BAIAP2: variants seen among roughly 807,000 people sequenced by gnomAD.
BAIAP2 encodes the protein BAR/IMD domain-containing adapter protein 2.
BAIAP2 carries 18 observed loss-of-function variants against 63.0 expected under a neutral mutation model. The ratio of observed to expected loss-of-function variants is 0.29; its 90% confidence interval spans 0.20 to 0.42. The LOEUF (loss-of-function observed/expected upper bound fraction) is 0.42, where lower values mean the gene tolerates loss of function less well. Among genes scored for constraint, BAIAP2 ranks in the 10% least tolerant of loss-of-function variants. The probability of loss-of-function intolerance (pLI) is 1.00; values close to 1 mark genes in which losing one functional copy is unlikely to be tolerated. For synonymous variants in BAIAP2, 386 were observed against 307.6 expected (o/e 1.25, Z -2.67); for missense variants, 610 against 734.3 (o/e 0.83, Z 1.96).
At chr17:81,102,526 C>T (rs1253001704) in intron 7 of BAIAP2, among the ~76,000 whole-genome samples, 1 of 152,234 alleles carries the variant, frequency 6.6e-6, no homozygotes. Flanking sequence ...ATTCACAAAT[C>T]GATGCACAGC....
chr17:81,085,642 C>T lies in BAIAP2; in HGVS notation c.280-12C>T. 11 of 1,612,716 alleles carry T rather than the reference C, an allele frequency of 6.8e-6. No homozygotes were observed. Among genetic ancestry groups the T allele is most frequent in the Non-Finnish European group, 9.3e-6 (11 of 1,178,992 alleles). On this transcript the variant is annotated splice_polypyrimidine_tract_variant and intron_variant, in intron 4 of 13. Transcript: ENST00000428708. Reference sequence around the variant, plus strand: ...GGAGCTGACGGCTGATGTGTTTTCTCTCCATGTCCAGCTGAAGTCTTTTCA... The same window carrying T: ...GGAGCTGACGGCTGATGTGTTTTCTTTCCATGTCCAGCTGAAGTCTTTTCA...
At chr17:81,102,308 C>T (rs1464928204) in intron 7 of BAIAP2, among the ~76,000 whole-genome samples, 4 of 152,200 alleles carry the variant, frequency 2.6e-5, no homozygotes, top group Admixed American at 6.5e-5. Flanking sequence ...AGGGCCGTGC[C>T]GCTGCGAGGT....
chr17:81,089,356 A>G (rs989279518), intron 6 of BAIAP2, among the ~76,000 whole-genome samples: 10 of 152,080 alleles, frequency 6.6e-5, no homozygotes, highest in African/African-American at 1.9e-4. Flanking sequence ...TCGCAGCCAC[A>G]GGGGGCTGGA....
chr17:81,113,738 G>A (rs1354593720), intron 13 of BAIAP2, among the ~76,000 whole-genome samples: 1 of 152,140 alleles, frequency 6.6e-6, no homozygotes, highest in East Asian at 1.9e-4. Context: ...CACTGTTCTG[G>A]GAGACAAGAA....
chr17:81,108,546 G>A (rs763797432), intron 13 of BAIAP2, 37 bp downstream of exon 13: 35 of 1,613,430 alleles, frequency 2.2e-5, no homozygotes, highest in Middle Eastern at 1.6e-4. Context: ...GGGACCGTGG[G>A]TGGGTGTGAA....
intron 13 of BAIAP2, among the ~76,000 whole-genome samples, chr17:81,114,105 C>G (rs2060233753): frequency 6.6e-6 from 1 of 151,130 alleles, no homozygotes; most frequent in Non-Finnish European, 1.5e-5. Flanking sequence ...GCTGGGACCA[C>G]AGGCATGCAC....
chr17:81,085,995 C>G (rs867201592), intron 5 of BAIAP2, among the ~76,000 whole-genome samples: 13 of 152,260 alleles, frequency 8.5e-5, no homozygotes, highest in African/African-American at 2.9e-4. Flanking sequence ...TGGTGCCTGA[C>G]TCTGCTGCCG....
At chr17:81,096,258 C>G (rs1042582256) in intron 6 of BAIAP2, among the ~76,000 whole-genome samples, 3 of 152,216 alleles carry the variant, frequency 2.0e-5, no homozygotes, top group African/African-American at 7.2e-5. Flanking sequence ...GCCCTGAGCT[C>G]TCTGCCCACC....
intron 3 of BAIAP2, among the ~76,000 whole-genome samples, chr17:81,081,996 G>A (rs569300654): frequency 3.9e-5 from 6 of 152,174 alleles, no homozygotes; most frequent in South Asian, 4.1e-4. Context: ...GCCAGGGCGC[G>A]TCTTAGGTGG....
At chr17:81,109,729 G>C (rs955581301) in intron 13 of BAIAP2, 1 of 985,380 alleles carries the variant, frequency 1.0e-6, no homozygotes, top group Non-Finnish European at 1.2e-6. Context: ...ACCTCCCGTC[G>C]GGCACTGGCG....
At position 81,084,690 on chromosome 17, in the gene BAIAP2, C is replaced by T. The variant is rs1035683342; in HGVS notation, c.218-142C>T. Reference sequence around the variant, plus strand: ...CCTTTTGGTGTCCCCTCTCCGCCCTCCCTTCTGGCCCTGACACCCCGGGGG... The same window carrying T: ...CCTTTTGGTGTCCCCTCTCCGCCCTTCCTTCTGGCCCTGACACCCCGGGGG... On this transcript the variant is annotated intron_variant, in intron 3 of 13. Transcript: ENST00000428708. The T allele has an allele frequency of 1.9e-5, 14 of 744,568 alleles. 1 individual carries two copies. In the Admixed American group the frequency reaches 2.1e-4, roughly 11 times the overall value. The allele number at this position is 744,568 out of a possible 1,614,324, so 46.1% of individuals were successfully genotyped here.
intron 1 of BAIAP2, among the ~76,000 whole-genome samples, chr17:81,052,525 G>A (rs950820995): frequency 6.6e-6 from 1 of 152,264 alleles, no homozygotes; most frequent in African/African-American, 2.4e-5. Context: ...CCTGCTGTGA[G>A]CCCCGGCGTA....
intron 1 of BAIAP2, 60 bp downstream of exon 1, chr17:81,035,368 C>T (rs2046068709): frequency 7.2e-6 from 8 of 1,107,504 alleles, no homozygotes; most frequent in Admixed American, 5.2e-5. Flanking sequence ...CGCGCGCCGC[C>T]CGCGCGCCCG....
At chr17:81,105,124 G>GC (rs2059008521) in intron 10 of BAIAP2, 2 of 148,720 alleles carry the variant, frequency 1.3e-5, no homozygotes, top group East Asian at 2.2e-4. Flanking sequence ...GCAGGGGTCT[G>GC]CCCCATGGCA....
chr17:81,085,794 T>G, intron 5 of BAIAP2, 69 bp downstream of exon 5: 1 of 1,261,772 alleles, frequency 7.9e-7, no homozygotes, highest in African/African-American at 1.5e-5. Flanking sequence ...TGCCTGCCAC[T>G]CCTTCCTCGG....
At chr17:81,085,175 T>C (rs2055353262) in intron 4 of BAIAP2, 2 of 540,370 alleles carry the variant, frequency 3.7e-6, no homozygotes. Context: ...CAGACCCCAC[T>C]CCTGGGGTTC....
At position 81,061,140 on chromosome 17, in the gene BAIAP2, A is replaced by G. The variant is rs186301116; in HGVS notation, c.217+3173A>G. Reference sequence around the variant, plus strand: ...CTCCGTCTCAAAAAAAAGTTTAGACATCATCGAAAGGATTCTTATTACGGA... The same window carrying G: ...CTCCGTCTCAAAAAAAAGTTTAGACGTCATCGAAAGGATTCTTATTACGGA... On this transcript the variant is annotated intron_variant, in intron 3 of 13. Coordinates refer to ENST00000428708, the MANE Select transcript of BAIAP2 (RefSeq NM_001144888.2). 2.1e-3 allele frequency among the ~76,000 whole-genome samples: 316 copies of G among 152,356 alleles called. 2 individuals carry two copies. Among genetic ancestry groups the G allele is most frequent in the Middle Eastern group, 6.8e-3 (2 of 294 alleles).
At chr17:81,085,836 G>A (rs1040701866) in intron 5 of BAIAP2, 111 bp downstream of exon 5, 23 of 796,144 alleles carry the variant, frequency 2.9e-5, no homozygotes, top group East Asian at 5.1e-5. Flanking sequence ...CGAGCTCCCC[G>A]TCCACATGGG....
intron 6 of BAIAP2, among the ~76,000 whole-genome samples, chr17:81,096,333 G>A (rs570876467): frequency 2.6e-5 from 4 of 152,338 alleles, no homozygotes; most frequent in Middle Eastern, 3.4e-3. Context: ...TCATGATGGG[G>A]TGCGTTGGGG....
Sources: allele counts gnomAD v4.1 joint callset (sites outside exome capture counted in the v4.1 genomes callset), GRCh38; gene constraint gnomAD v4.1.1; transcripts MANE v1.5; gene names NCBI Gene and HGNC (gene_info 2026-07-23, HGNC 2026-07-21).